The following HEPACAM2 variants were observed in gnomAD, a reference collection of about 807,000 sequenced individuals.
The protein encoded by HEPACAM2 is mitotic kinetics regulator.
HEPACAM2 carries 49 observed loss-of-function variants against 49.6 expected under a neutral mutation model. The observed-to-expected ratio is 0.99, with a 90% CI of 0.78 to 1.25. The LOEUF (loss-of-function observed/expected upper bound fraction) is 1.25. Among genes scored for constraint, HEPACAM2 ranks in the 50% most tolerant of loss-of-function variants. The pLI, the probability that HEPACAM2 is intolerant of heterozygous loss-of-function variation, is 0.00. For missense variants in HEPACAM2, 525 were observed against 557.2 expected (o/e 0.94, Z 0.58); for synonymous variants, 197 against 202.9 (o/e 0.97, Z 0.25).
rs1462785129 is a variant in HEPACAM2, at chr7:93,188,560, C to G, written c.*707G>C. The G allele has an allele frequency of 6.6e-6, 1 of 151,894 alleles. No individual in the cohort carries two copies. The highest frequency in any genetic ancestry group is 1.9e-4 in the East Asian group (1 of 5,166). 9.4% of individuals were successfully genotyped at this position (151,894 alleles called of 1,614,324 possible). A position where few individuals can be genotyped will look rare whatever the true frequency, so the allele number is the denominator to read the frequency against. On this transcript the variant is annotated 3_prime_UTR_variant, in exon 10 of 10. Transcript: ENST00000394468. ...CTGATTTTTATGTAATATTTTTACT[C>G]TACAAGACAAAGAATTAAGACCACA...
rs993273278 is a variant in HEPACAM2, at chr7:93,197,230, T to C, written c.1201+11A>G. 6.2e-7 allele frequency: 1 copy of C among 1,606,182 alleles called. No individual in the cohort carries two copies. The highest frequency in any genetic ancestry group is 1.3e-5 in the African/African-American group (1 of 74,678). On this transcript the variant is annotated intron_variant, in intron 7 of 9. Coordinates refer to ENST00000394468, the MANE Select transcript of HEPACAM2 (RefSeq NM_001039372.4). ...AAAACTGATAATAGCCCTTTTCAGC[T>C]TGGCCATTACCTGAAAATGTTTGAG...
Position 93,195,838 on chromosome 7 carries a change from C to T in HEPACAM2, c.1265G>A (p.Gly422Asp), listed in dbSNP as rs1484869536. Residue 422 changes from glycine to aspartate, a missense_variant, in exon 8 of 10, where the codon GGT becomes GAT. Coordinates refer to ENST00000394468, the MANE Select transcript of HEPACAM2 (RefSeq NM_001039372.4). The stretch of plus-strand genomic sequence containing the variant: ...ACTAGGAAAACCAACCCTGGAAACA[C>T]CAGAAACATCTGGAAAAGCAACAAA... ...YEFVAFPDVS[G>D]VSRIPSRSVP... The T allele has an allele frequency of 1.2e-6, 2 of 1,612,730 alleles. No homozygotes were observed. Among genetic ancestry groups the T allele is most frequent in the South Asian group, 2.2e-5 (2 of 91,036 alleles).
chr7:93,206,314 T>G (rs967633123), intron 4 of HEPACAM2, among the ~76,000 whole-genome samples: 2 of 152,120 alleles, frequency 1.3e-5, no homozygotes, highest in Non-Finnish European at 2.9e-5. Flanking sequence ...AAGCAAAGGA[T>G]GTACCTCAGC....
intron 4 of HEPACAM2, among the ~76,000 whole-genome samples, chr7:93,199,946 T>C (rs1466635969): frequency 6.6e-6 from 1 of 152,040 alleles, no homozygotes; most frequent in Non-Finnish European, 1.5e-5. Flanking sequence ...TTGCTTAATT[T>C]TCTTAAGTTT....
intron 9 of HEPACAM2, among the ~76,000 whole-genome samples, chr7:93,191,811 GACTGTGC>G (rs1793554877): frequency 1.3e-5 from 2 of 152,018 alleles, no homozygotes; most frequent in Admixed American, 6.6e-5. Flanking sequence ...CATTGGTGCT[GACTGTGC>G]TGTGGACCCT....
At chr7:93,230,011 A>G (rs957780028), upstream of HEPACAM2, among the ~76,000 whole-genome samples, 1 of 152,220 alleles carries the variant, frequency 6.6e-6, no homozygotes, top group Non-Finnish European at 1.5e-5. Flanking sequence ...GCCTTAAAAC[A>G]TTTAGAAGAC....
In HEPACAM2 at chr7:93,217,834, A is replaced by ACT. The variant is rs575317566; in HGVS notation, c.430+1265_430+1266dup. On this transcript the variant is annotated intron_variant, in intron 2 of 9. Transcript: ENST00000394468. ...GAAGCAGAATTGGAGATAGAGAGTGACTCTCTCTCTCTCTCTTTCTATTTT... is the reference window on the plus strand; with the variant it reads ...GAAGCAGAATTGGAGATAGAGAGTGACTCTCTCTCTCTCTCTCTTTCTATTTT... 3.7e-3 allele frequency among the ~76,000 whole-genome samples: 467 copies of ACT among 127,906 alleles called. 1 individual carries two copies. The highest frequency in any genetic ancestry group is 0.013 in the African/African-American group (445 of 34,004). The allele number at this position is 127,906 out of a possible 152,430, so 83.9% of individuals were successfully genotyped here. A position where few individuals can be genotyped will look rare whatever the true frequency, so the allele number is the denominator to read the frequency against.
chr7:93,217,778 C>T (rs1794339676), intron 2 of HEPACAM2, among the ~76,000 whole-genome samples: 1 of 151,336 alleles, frequency 6.6e-6, no homozygotes, highest in Non-Finnish European at 1.5e-5. Flanking sequence ...TATAATATGC[C>T]CAGGTAGTAA....
At chr7:93,209,309 G>A (rs1048451835) in intron 3 of HEPACAM2, among the ~76,000 whole-genome samples, 8 of 151,860 alleles carry the variant, frequency 5.3e-5, no homozygotes, top group Middle Eastern at 3.4e-3. Flanking sequence ...CATGATAATC[G>A]TACGTATTTA....
chr7:93,213,412 A>G (rs1211303484), intron 3 of HEPACAM2, among the ~76,000 whole-genome samples: 1 of 152,084 alleles, frequency 6.6e-6, no homozygotes, highest in Non-Finnish European at 1.5e-5. Flanking sequence ...CTTTCATGAA[A>G]AAACCCTTCA....
chr7:93,198,722 TG>T (rs1793798735), intron 4 of HEPACAM2, among the ~76,000 whole-genome samples: 1 of 152,080 alleles, frequency 6.6e-6, no homozygotes, highest in Non-Finnish European at 1.5e-5. Flanking sequence ...CATTCAGCAA[TG>T]GTGAACAGCC....
In HEPACAM2 at chr7:93,225,222, A is replaced by C. The variant is rs1053381138; in HGVS notation, c.79+1146T>G. 2.0e-5 allele frequency among the ~76,000 whole-genome samples: 3 copies of C among 152,302 alleles called. No homozygotes were observed. The South Asian group carries it at 6.2e-4, about 32-fold the overall frequency. On this transcript the variant is annotated intron_variant, in intron 1 of 9. Coordinates refer to ENST00000394468, the MANE Select transcript of HEPACAM2 (RefSeq NM_001039372.4). ...ATGACCCAGGATACTTTCAAAAGGA[A>C]GACAAATGCACAAAGGTAGTGACAG...
chr7:93,219,412 G>C lies in HEPACAM2; in HGVS notation c.119C>G (p.Thr40Ser). Reference protein sequence around the residue: ...SGLKVTVPSHTVHGVRGQALY... With the variant: ...SGLKVTVPSHSVHGVRGQALY... The stretch of plus-strand genomic sequence containing the variant: ...GGCCTGACCTCTGACGCCATGGACA[G>C]TGTGTGATGGCACTGTCACCTTCAG... The change falls in exon 2 of 10, where the codon ACT becomes AGT. Residue 40 changes from threonine to serine, a missense_variant. Coordinates refer to ENST00000394468, the MANE Select transcript of HEPACAM2 (RefSeq NM_001039372.4). 6.2e-7 allele frequency: 1 copy of C among 1,614,034 alleles called. No homozygotes were observed. Among genetic ancestry groups the C allele is most frequent in the Non-Finnish European group, 8.5e-7 (1 of 1,179,952 alleles).
At chr7:93,201,164 A>C (rs1241202545) in intron 4 of HEPACAM2, among the ~76,000 whole-genome samples, 1 of 152,150 alleles carries the variant, frequency 6.6e-6, no homozygotes, top group Non-Finnish European at 1.5e-5. Context: ...CATTATTAGA[A>C]GACCTGCTAT....
upstream of HEPACAM2, among the ~76,000 whole-genome samples, chr7:93,228,492 C>G (rs4729076): frequency 2.4e-4 from 36 of 152,052 alleles, no homozygotes; most frequent in South Asian, 7.5e-3. Flanking sequence ...AACATGTTTA[C>G]ACAGGAAGTG....
At chr7:93,203,457 T>G (rs945239912) in intron 4 of HEPACAM2, among the ~76,000 whole-genome samples, 2 of 152,072 alleles carry the variant, frequency 1.3e-5, no homozygotes, top group African/African-American at 2.4e-5. Context: ...CTGACCCTAT[T>G]GCCATAGAGA....
At chr7:93,189,426 A>G (rs564212983) in intron 9 of HEPACAM2, among the ~76,000 whole-genome samples, 156 bp from the exon 10 acceptor site, 48 of 152,146 alleles carry the variant, frequency 3.2e-4, no homozygotes, top group Non-Finnish European at 5.6e-4. Context: ...ACAAATAAAT[A>G]TAAGAGTCAG....
intron 4 of HEPACAM2, among the ~76,000 whole-genome samples, chr7:93,207,801 G>A (rs534090400): frequency 3.3e-5 from 5 of 151,778 alleles, no homozygotes; most frequent in Admixed American, 2.0e-4. Context: ...GACATCCAGA[G>A]GCAGCTGGGT....
At chr7:93,192,388 T>C in intron 8 of HEPACAM2, 25 bp from the exon 9 acceptor site, 1 of 1,542,022 alleles carries the variant, frequency 6.5e-7, no homozygotes, top group Non-Finnish European at 8.9e-7. Context: ...ACATTAAAAA[T>C]AAATTATCTC....
Sources: allele counts gnomAD v4.1 joint callset (sites outside exome capture counted in the v4.1 genomes callset), GRCh38; gene constraint gnomAD v4.1.1; transcripts MANE v1.5; gene names NCBI Gene and HGNC (gene_info 2026-07-23, HGNC 2026-07-21).